The following DLGAP2 variants were observed in gnomAD, a reference collection of about 807,000 sequenced individuals.
DLGAP2 encodes disks large-associated protein 2.
A neutral mutation model predicts 100.3 loss-of-function variants in DLGAP2; 26 were observed. That is an observed-to-expected ratio of 0.26 (90% CI 0.19 to 0.36). The LOEUF (loss-of-function observed/expected upper bound fraction) is 0.36. Ranked by LOEUF, DLGAP2 falls within the 10% of genes least tolerant of loss-of-function variation. DLGAP2 has a pLI of 1.00. For missense variants in DLGAP2, 1,858 were observed against 1,453.2 expected, an observed-to-expected ratio of 1.28 and a Z score of -4.53; for synonymous variants, 886 against 630.1, an observed-to-expected ratio of 1.41 and a Z score of -6.08.
intron 1 of DLGAP2, among the ~76,000 whole-genome samples, chr8:744,593 C>T (rs1432550206): frequency 8.6e-5 from 13 of 150,318 alleles, no homozygotes; most frequent in Admixed American, 1.3e-4. Flanking sequence ...CTGCTCCCCA[C>T]GGTCACTCCC....
At chr8:958,758 T>G (rs920202258) in intron 2 of DLGAP2, among the ~76,000 whole-genome samples, 12 of 152,108 alleles carry the variant, frequency 7.9e-5, no homozygotes, top group African/African-American at 2.9e-4. Flanking sequence ...AACCAAGTCT[T>G]CAACTATTGA....
At chr8:911,232 G>C (rs555107146) in intron 2 of DLGAP2, among the ~76,000 whole-genome samples, 1 of 152,268 alleles carries the variant, frequency 6.6e-6, no homozygotes, top group East Asian at 1.9e-4. Flanking sequence ...GGCCTAAGCG[G>C]TGCGTTTTCC....
intron 4 of DLGAP2, among the ~76,000 whole-genome samples, chr8:1,525,226 T>G (rs1800753640): frequency 6.6e-6 from 1 of 150,726 alleles, no homozygotes; most frequent in African/African-American, 2.5e-5. Flanking sequence ...TATATGACAT[T>G]GTTGAAACTT....
intron 4 of DLGAP2, among the ~76,000 whole-genome samples, chr8:1,524,232 C>G (rs1466128209): frequency 6.6e-6 from 1 of 152,130 alleles, no homozygotes; most frequent in African/African-American, 2.4e-5. Flanking sequence ...GAGAGGCCGG[C>G]AGGGAGGAAG....
At chr8:797,690 T>G (rs1189531494) in intron 1 of DLGAP2, among the ~76,000 whole-genome samples, 1 of 152,186 alleles carries the variant, frequency 6.6e-6, no homozygotes, top group African/African-American at 2.4e-5. Flanking sequence ...TGGGAGCTCC[T>G]GGCTCTCCGG....
At chr8:1,315,414 T>G (rs74346435) in intron 3 of DLGAP2, among the ~76,000 whole-genome samples, 5,403 of 83,946 alleles carry the variant, frequency 0.064, 33 homozygotes, top group African/African-American at 0.1. Context: ...ACTCGGCAGC[T>G]TTTAAAAATA....
At chr8:1,349,117 G>T (rs1563098192) in intron 3 of DLGAP2, among the ~76,000 whole-genome samples, 1 of 151,072 alleles carries the variant, frequency 6.6e-6, no homozygotes, top group Admixed American at 6.6e-5. Context: ...TTTTTAAGGG[G>T]CCAGCAAGCC....
chr8:1,031,254 G>GTTCA (rs1349241761), intron 2 of DLGAP2, among the ~76,000 whole-genome samples: 19 of 152,310 alleles, frequency 1.2e-4, no homozygotes, highest in African/African-American at 4.1e-4. Context: ...TTTCCTTGAA[G>GTTCA]TTCAGGATGG....
At chr8:1,164,717 T>C (rs62487540) in intron 2 of DLGAP2, among the ~76,000 whole-genome samples, 28,833 of 152,144 alleles carry the variant, frequency 0.19, 2,918 homozygotes, top group Middle Eastern at 0.34. Context: ...AAGTTTGTCT[T>C]TCTGACTCCT....
chr8:1,575,722 G>C (rs1194369057), intron 6 of DLGAP2, among the ~76,000 whole-genome samples: 3 of 147,040 alleles, frequency 2.0e-5, no homozygotes, highest in Non-Finnish European at 4.4e-5. Context: ...TGTGGTGTTT[G>C]GTTTTTTGTT....
At chr8:1,555,790 G>C (rs975075941) in intron 5 of DLGAP2, among the ~76,000 whole-genome samples, 4 of 152,196 alleles carry the variant, frequency 2.6e-5, no homozygotes, top group African/African-American at 9.7e-5. Flanking sequence ...TCCCCATGAC[G>C]GAAATTCCAG....
intron 4 of DLGAP2, among the ~76,000 whole-genome samples, chr8:1,547,284 G>A (rs573080231): frequency 6.0e-4 from 92 of 152,280 alleles, no homozygotes; most frequent in Non-Finnish European, 1.0e-3. Context: ...AGCTGTGCCC[G>A]CAGGGAGCTT....
chr8:1,337,459 AGAATGG>A (rs1801313241), intron 3 of DLGAP2, among the ~76,000 whole-genome samples: 1 of 624 alleles, frequency 1.6e-3, no homozygotes, highest in African/African-American at 0.01. Flanking sequence ...GATGATGGTG[AGAATGG>A]TGAGGATGAT....
chr8:1,620,138 ATTTTCTTACCT>A (rs2130754243), intron 6 of DLGAP2, among the ~76,000 whole-genome samples: 1 of 152,094 alleles, frequency 6.6e-6, no homozygotes, highest in East Asian at 1.9e-4. Flanking sequence ...TCATACTTCC[ATTTTCTTACCT>A]TAACGTCTGC....
chr8:1,327,530 TTA>T, intron 3 of DLGAP2, among the ~76,000 whole-genome samples: 1 of 152,200 alleles, frequency 6.6e-6, no homozygotes, highest in African/African-American at 2.4e-5. Flanking sequence ...TTTAAAAAGT[TTA>T]AATCTCTTGC....
rs185363121 is a variant in DLGAP2, at chr8:749,038, T to C, written c.18+11213T>C. Reference sequence around the variant, plus strand: ...GTATGTGAGAGGGGGCCTTGCTTGTTACCCAGGCTGGAATGCAGGGGCATC... The same window carrying C: ...GTATGTGAGAGGGGGCCTTGCTTGTCACCCAGGCTGGAATGCAGGGGCATC... On this transcript the variant is annotated intron_variant, in intron 1 of 14. Transcript: ENST00000637795. 8.2e-4 allele frequency among the ~76,000 whole-genome samples: 125 copies of C among 152,352 alleles called. 1 individual carries two copies. Among genetic ancestry groups the C allele is most frequent in the African/African-American group, 2.8e-3 (117 of 41,574 alleles).
chr8:1,288,560 G>T (rs36145175), intron 3 of DLGAP2, among the ~76,000 whole-genome samples: 96,359 of 125,598 alleles, frequency 0.77, 37,122 homozygotes, highest in African/African-American at 0.86. Flanking sequence ...GTGTGTGTGT[G>T]GTTAGGAGGG....
intron 1 of DLGAP2, among the ~76,000 whole-genome samples, chr8:833,250 C>A (rs1409463671): frequency 6.6e-6 from 1 of 152,174 alleles, no homozygotes; most frequent in Admixed American, 6.5e-5. Context: ...CACTCCAGTA[C>A]CCATTTCCTG....
At position 758,492 on chromosome 8, in the gene DLGAP2, C is replaced by T. The variant is rs144042569; in HGVS notation, c.18+20667C>T. On this transcript the variant is annotated intron_variant, in intron 1 of 14. Transcript: ENST00000637795. ...AGGAGCTACAATTGAAAAGCAAGAG[C>T]GTCTTGCTCCACCTCTGCCCATCCC... 2.2e-4 allele frequency among the ~76,000 whole-genome samples: 33 copies of T among 152,290 alleles called. 2 individuals are homozygous for T. The East Asian group carries it at 3.5e-3, about 16-fold the overall frequency.
Sources: gnomAD v4.1 joint callset for allele counts (sites outside exome capture counted in the v4.1 genomes callset) on GRCh38, gnomAD v4.1.1 for gene constraint, MANE v1.5 for transcripts, NCBI Gene and HGNC (gene_info 2026-07-23, HGNC 2026-07-21) for gene names.